Variants in GALNT13 observed in about 807,000 individuals in gnomAD.
The protein encoded by GALNT13 is polypeptide N-acetylgalactosaminyltransferase 13, also known as UDP-GalNAc:polypeptide N-acetylgalactosaminyltransferase 13.
A neutral mutation model predicts 64.2 loss-of-function variants in GALNT13; 28 were observed. The ratio of observed to expected loss-of-function variants is 0.44; its 90% confidence interval spans 0.32 to 0.60. The LOEUF is 0.60. Among genes scored for constraint, GALNT13 ranks in the 20% least tolerant of loss-of-function variants. The pLI is 0.05. For missense variants in GALNT13, 577 were observed against 669.8 expected, an observed-to-expected ratio of 0.86 and a Z score of 1.53; for synonymous variants, 214 against 224.6, an observed-to-expected ratio of 0.95 and a Z score of 0.42.
At chr2:153,971,936 C>T (rs1282272339) in intron 3 of GALNT13, among the ~76,000 whole-genome samples, 1 of 151,998 alleles carries the variant, frequency 6.6e-6, no homozygotes, top group Admixed American at 6.6e-5. Flanking sequence ...AGAGTAGGCT[C>T]TAAATCCAAT....
the GALNT13 span, among the ~76,000 whole-genome samples, chr2:153,361,555 C>T: frequency 1.3e-5 from 2 of 151,554 alleles, no homozygotes; most frequent in African/African-American, 4.9e-5. Flanking sequence ...AAAAACACAG[C>T]ATGAGAACCT....
intron 3 of GALNT13, among the ~76,000 whole-genome samples, chr2:153,965,044 T>C (rs13401054): frequency 0.061 from 9,317 of 152,170 alleles, 582 homozygotes; most frequent in African/African-American, 0.16. Context: ...TTTTATGTAA[T>C]GGAAAGGATG....
the GALNT13 span, among the ~76,000 whole-genome samples, chr2:153,342,819 A>G: frequency 2.0e-5 from 3 of 152,146 alleles, no homozygotes; most frequent in Non-Finnish European, 2.9e-5. Context: ...GATTTCACAA[A>G]TAACGCAGGT....
the GALNT13 span, among the ~76,000 whole-genome samples, chr2:153,727,842 C>T: frequency 6.6e-6 from 1 of 152,068 alleles, no homozygotes; most frequent in African/African-American, 2.4e-5. Context: ...ACCCGTCATT[C>T]AGGTTTTAAG....
chr2:154,262,023 C>T (rs1187755642), intron 8 of GALNT13, among the ~76,000 whole-genome samples: 4 of 152,066 alleles, frequency 2.6e-5, no homozygotes, highest in Non-Finnish European at 5.9e-5. Context: ...GATCGCTGTA[C>T]TTAAAGACAT....
At chr2:154,146,834 C>A (rs1001067680) in intron 4 of GALNT13, among the ~76,000 whole-genome samples, 1 of 152,104 alleles carries the variant, frequency 6.6e-6, no homozygotes, top group African/African-American at 2.4e-5. Context: ...AAACCCTTTT[C>A]CTTTGTCTTG....
chr2:153,962,345 G>T (rs1292281603), intron 3 of GALNT13, among the ~76,000 whole-genome samples: 1 of 152,196 alleles, frequency 6.6e-6, no homozygotes, highest in Non-Finnish European at 1.5e-5. Context: ...GACGTATCAT[G>T]TGGAGTATGT....
the GALNT13 span, among the ~76,000 whole-genome samples, chr2:153,373,162 A>C: frequency 8.5e-5 from 9 of 106,152 alleles, no homozygotes; most frequent in Non-Finnish European, 1.9e-4. Context: ...GTGTGTGTGC[A>C]CGTGTGTTCA....
intron 9 of GALNT13, among the ~76,000 whole-genome samples, chr2:154,320,715 C>G (rs1694574988): frequency 6.6e-6 from 1 of 152,170 alleles, no homozygotes; most frequent in African/African-American, 2.4e-5. Flanking sequence ...AGGGATCACT[C>G]TAGCCTGCCT....
chr2:153,234,791 A>G, the GALNT13 span, among the ~76,000 whole-genome samples: 1 of 152,120 alleles, frequency 6.6e-6, no homozygotes, highest in Non-Finnish European at 1.5e-5. Flanking sequence ...CTCTCTTCAC[A>G]TCTAATTTTG....
At chr2:153,647,609 G>T in the GALNT13 span, among the ~76,000 whole-genome samples, 7 of 151,920 alleles carry the variant, frequency 4.6e-5, no homozygotes, top group Admixed American at 6.6e-5. Flanking sequence ...GTCTAACATT[G>T]AAGTCTTTAA....
At chr2:154,183,380 A>C (rs1034354074) in intron 4 of GALNT13, among the ~76,000 whole-genome samples, 13 of 151,954 alleles carry the variant, frequency 8.6e-5, no homozygotes, top group African/African-American at 3.1e-4. Context: ...AATTGTATTT[A>C]TTTGAGTCCT....
chr2:153,743,430 A>G, the GALNT13 span, among the ~76,000 whole-genome samples: 2 of 152,086 alleles, frequency 1.3e-5, no homozygotes, highest in Admixed American at 6.6e-5. Flanking sequence ...GGATTCCTGA[A>G]TCATATAATT....
chr2:153,430,768 G>A, the GALNT13 span, among the ~76,000 whole-genome samples: 1 of 151,740 alleles, frequency 6.6e-6, no homozygotes, highest in Non-Finnish European at 1.5e-5. Context: ...TTTTATAAAG[G>A]AAATAAATTG....
chr2:153,085,929 C>G, the GALNT13 span, among the ~76,000 whole-genome samples: 2 of 152,182 alleles, frequency 1.3e-5, no homozygotes, highest in African/African-American at 4.8e-5. Flanking sequence ...CTGTGCCCTG[C>G]AAAGCCACAG....
intron 2 of GALNT13, among the ~76,000 whole-genome samples, chr2:153,935,757 T>C (rs1690864970): frequency 6.6e-6 from 1 of 152,178 alleles, no homozygotes; most frequent in South Asian, 2.1e-4. Flanking sequence ...GCAGGCCATA[T>C]GATTATTTTG....
At chr2:154,126,485 A>T (rs1682271219) in intron 3 of GALNT13, among the ~76,000 whole-genome samples, 2 of 152,014 alleles carry the variant, frequency 1.3e-5, no homozygotes, top group South Asian at 2.1e-4. Flanking sequence ...AATACAAAAA[A>T]TCAGCTGGGC....
the GALNT13 span, among the ~76,000 whole-genome samples, chr2:153,855,957 G>T: frequency 1.3e-5 from 2 of 152,110 alleles, no homozygotes; most frequent in African/African-American, 2.4e-5. Flanking sequence ...TTATATTAAA[G>T]AAATCTCACA....
chr2:153,312,640 C>T, the GALNT13 span, among the ~76,000 whole-genome samples: 1 of 152,112 alleles, frequency 6.6e-6, no homozygotes, highest in Non-Finnish European at 1.5e-5. Context: ...CTAGAAATTC[C>T]AGGGTTAATG....
Sources: allele counts gnomAD v4.1 joint callset (sites outside exome capture counted in the v4.1 genomes callset), GRCh38; gene constraint gnomAD v4.1.1; transcripts MANE v1.5; gene names NCBI Gene and HGNC (gene_info 2026-07-23, HGNC 2026-07-21).